VPS13B: variants seen among roughly 807,000 people sequenced by gnomAD.
VPS13B encodes intermembrane lipid transfer protein VPS13B.
VPS13B carries 285 observed loss-of-function variants against 426.4 expected under a neutral mutation model. The observed-to-expected ratio is 0.67, with a 90% CI of 0.61 to 0.74. VPS13B has a LOEUF of 0.74. VPS13B is among the 30% of genes least tolerant of loss of function. The probability of loss-of-function intolerance (pLI) is 0.00; values close to 1 mark genes in which losing one functional copy is unlikely to be tolerated. For synonymous variants in VPS13B, 1,676 were observed against 1,676.4 expected (o/e 1.00, Z 0.01); for missense variants, 4,537 against 4,782.6 (o/e 0.95, Z 1.51).
chr8:99,188,469 T>C (rs1378736799), intron 16 of VPS13B, among the ~76,000 whole-genome samples: 3 of 152,220 alleles, frequency 2.0e-5, no homozygotes, highest in Admixed American at 2.0e-4. Flanking sequence ...ATTTTGTTTA[T>C]TCATCAGTTG....
At chr8:99,682,091 T>C (rs1053291073) in intron 35 of VPS13B, among the ~76,000 whole-genome samples, 9 of 152,254 alleles carry the variant, frequency 5.9e-5, no homozygotes, top group Non-Finnish European at 4.4e-5. Context: ...GCTGAAGTTA[T>C]TAAAGTTTAA....
intron 30 of VPS13B, among the ~76,000 whole-genome samples, chr8:99,530,652 C>G (rs1822885680): frequency 6.6e-6 from 1 of 151,768 alleles, no homozygotes; most frequent in Non-Finnish European, 1.5e-5. Flanking sequence ...GCAGTAGTAG[C>G]AGCAGCAGTA....
intron 19 of VPS13B, among the ~76,000 whole-genome samples, chr8:99,292,518 A>G (rs1819788896): frequency 6.6e-6 from 1 of 152,074 alleles, no homozygotes; most frequent in Non-Finnish European, 1.5e-5. Context: ...AGCTTTATCT[A>G]TTACTTTTAA....
intron 25 of VPS13B, among the ~76,000 whole-genome samples, chr8:99,486,099 C>T (rs1357639920): frequency 6.6e-6 from 1 of 152,096 alleles, no homozygotes; most frequent in African/African-American, 2.4e-5. Context: ...ATTTTGACTG[C>T]TTTTGCCAGG....
At chr8:99,314,910 C>G (rs905303852) in intron 19 of VPS13B, among the ~76,000 whole-genome samples, 4 of 152,190 alleles carry the variant, frequency 2.6e-5, no homozygotes, top group African/African-American at 9.6e-5. Flanking sequence ...CTGGTTTTGA[C>G]TTGAAGTCTT....
At chr8:99,049,467 T>G (rs1455756424) in intron 3 of VPS13B, among the ~76,000 whole-genome samples, 1 of 152,164 alleles carries the variant, frequency 6.6e-6, no homozygotes, top group African/African-American at 2.4e-5. Flanking sequence ...TTGCTTTGTT[T>G]AAGGAGGCTG....
intron 21 of VPS13B, among the ~76,000 whole-genome samples, chr8:99,422,791 A>G (rs1259832717): frequency 6.6e-6 from 1 of 152,182 alleles, no homozygotes; most frequent in Non-Finnish European, 1.5e-5. Context: ...CTTACCCATC[A>G]TCATTTCCAT....
chr8:99,611,933 A>G (rs754921718), intron 33 of VPS13B, among the ~76,000 whole-genome samples: 22 of 152,160 alleles, frequency 1.4e-4, no homozygotes, highest in Admixed American at 2.0e-4. Flanking sequence ...CATTTATTGT[A>G]TACTTATTAT....
At chr8:99,271,694 G>T (rs909855862) in intron 17 of VPS13B, among the ~76,000 whole-genome samples, 1 of 152,178 alleles carries the variant, frequency 6.6e-6, no homozygotes, top group Non-Finnish European at 1.5e-5. Flanking sequence ...GGCAGAATGC[G>T]AAGGGGAAGC....
At chr8:99,588,770 T>A (rs976153484) in intron 33 of VPS13B, among the ~76,000 whole-genome samples, 4 of 151,736 alleles carry the variant, frequency 2.6e-5, no homozygotes, top group Non-Finnish European at 4.4e-5. Context: ...CAGGGACAAT[T>A]TGACTTCCTC....
chr8:99,169,581 T>A (rs1330574857), intron 15 of VPS13B, among the ~76,000 whole-genome samples: 1 of 152,012 alleles, frequency 6.6e-6, no homozygotes, highest in Non-Finnish European at 1.5e-5. Flanking sequence ...GTATGTACAT[T>A]ATACAAGGTG....
intron 26 of VPS13B, 95 bp downstream of exon 26, chr8:99,501,953 C>A (rs1821267194): frequency 1.7e-6 from 2 of 1,174,560 alleles, no homozygotes; most frequent in Non-Finnish European, 2.4e-6. Flanking sequence ...TCTTTTCTGT[C>A]TGTCTGTCTG....
intron 19 of VPS13B, among the ~76,000 whole-genome samples, chr8:99,290,238 A>C (rs1275755580): frequency 2.6e-5 from 4 of 152,106 alleles, no homozygotes; most frequent in Admixed American, 6.6e-5. Flanking sequence ...CACAATAGCA[A>C]AGACTTGGAA....
chr8:99,319,654 T>C (rs1174014412), intron 19 of VPS13B, among the ~76,000 whole-genome samples: 5 of 152,032 alleles, frequency 3.3e-5, no homozygotes, highest in African/African-American at 1.2e-4. Flanking sequence ...GCCCCCAGAG[T>C]GTGGTGCAAC....
intron 25 of VPS13B, among the ~76,000 whole-genome samples, chr8:99,496,994 T>C (rs1820922130): frequency 6.7e-6 from 1 of 150,080 alleles, no homozygotes; most frequent in Non-Finnish European, 1.5e-5. Context: ...ACAGCAGTAG[T>C]ATAGGAAGTA....
At chr8:99,263,371 A>G (rs1344637359) in intron 17 of VPS13B, among the ~76,000 whole-genome samples, 3 of 152,164 alleles carry the variant, frequency 2.0e-5, no homozygotes, top group African/African-American at 4.8e-5. Context: ...TTAGTTTTCT[A>G]TTGCTGCTCT....
intron 32 of VPS13B, among the ~76,000 whole-genome samples, chr8:99,577,005 T>C (rs1254422626): frequency 6.6e-6 from 1 of 152,152 alleles, no homozygotes; most frequent in Non-Finnish European, 1.5e-5. Context: ...TACATCTGTC[T>C]GCCCAACTAG....
chr8:99,750,710 C>G (rs145007319), intron 39 of VPS13B, among the ~76,000 whole-genome samples: 2 of 152,230 alleles, frequency 1.3e-5, no homozygotes, highest in Non-Finnish European at 2.9e-5. Flanking sequence ...TTAGAGTTCT[C>G]TGTGCACAGA....
intron 39 of VPS13B, among the ~76,000 whole-genome samples, chr8:99,744,310 C>G (rs1273065209): frequency 3.3e-5 from 5 of 152,128 alleles, no homozygotes; most frequent in African/African-American, 9.7e-5. Context: ...ATTAAAAAGT[C>G]AGGAAACAAA....
Sources: gnomAD v4.1 joint callset for allele counts (sites outside exome capture counted in the v4.1 genomes callset) on GRCh38, gnomAD v4.1.1 for gene constraint, MANE v1.5 for transcripts, NCBI Gene and HGNC (gene_info 2026-07-23, HGNC 2026-07-21) for gene names.